Variants in INTS3 observed in about 807,000 individuals in gnomAD.
INTS3 encodes the protein SOSS complex subunit A.
A neutral mutation model predicts 146.3 loss-of-function variants in INTS3; 34 were observed. The ratio of observed to expected loss-of-function variants is 0.23; its 90% confidence interval spans 0.18 to 0.31. The LOEUF (loss-of-function observed/expected upper bound fraction) is 0.31, where lower values mean the gene tolerates loss of function less well. Ranked by LOEUF, INTS3 falls within the 10% of genes least tolerant of loss-of-function variation. INTS3 has a pLI of 1.00. For synonymous variants in INTS3, 475 were observed against 494.9 expected (o/e 0.96, Z 0.53); for missense variants, 757 against 1,304.2 (o/e 0.58, Z 6.46).
intron 1 of INTS3, among the ~76,000 whole-genome samples, chr1:153,733,932 C>T (rs990175503): frequency 1.3e-5 from 2 of 152,256 alleles, no homozygotes; most frequent in African/African-American, 4.8e-5. Context: ...ACTCTATATC[C>T]ACCTGGCTGA....
intron 1 of INTS3, among the ~76,000 whole-genome samples, chr1:153,735,621 C>T (rs1158540199): frequency 1.3e-5 from 2 of 152,158 alleles, no homozygotes; most frequent in African/African-American, 2.4e-5. Context: ...AAACCGTTAA[C>T]CTAGGCTGTG....
chr1:153,735,892 T>G (rs1436482449), intron 1 of INTS3, among the ~76,000 whole-genome samples: 1 of 152,068 alleles, frequency 6.6e-6, no homozygotes, highest in African/African-American at 2.4e-5. Context: ...CTGGCTGATT[T>G]ATTTAGTTTT....
intron 3 of INTS3, among the ~76,000 whole-genome samples, chr1:153,746,592 G>A (rs1035634729): frequency 4.6e-5 from 7 of 152,152 alleles, no homozygotes; most frequent in African/African-American, 7.2e-5. Flanking sequence ...TAGTAGAGAC[G>A]GGGTTTCACC....
Position 153,773,821 on chromosome 1 carries a change from C to G in INTS3, c.*551C>G, listed in dbSNP as rs1035039250. On this transcript the variant is annotated 3_prime_UTR_variant, in exon 30 of 30. Transcript: ENST00000318967. ...TCCATTCCTAATCATGGGGCAGATG[C>G]CACAAGCATTCAGAAAGGAGTCTGA... 1.2e-5 allele frequency: 2 copies of G among 171,844 alleles called. No homozygotes were observed. Among genetic ancestry groups the G allele is most frequent in the African/African-American group, 4.8e-5 (2 of 41,468 alleles). The allele number at this position is 171,844 out of a possible 1,614,324, so 10.6% of individuals were successfully genotyped here. A position where few individuals can be genotyped will look rare whatever the true frequency, so the allele number is the denominator to read the frequency against.
chr1:153,728,972 T>C (rs1326133126), intron 1 of INTS3, among the ~76,000 whole-genome samples, 188 bp downstream of exon 1: 3 of 152,054 alleles, frequency 2.0e-5, no homozygotes, highest in Non-Finnish European at 2.9e-5. Context: ...CCTGGACAGG[T>C]TGTCATAGTA....
At chr1:153,762,381 T>C (rs1672415115) in intron 14 of INTS3, among the ~76,000 whole-genome samples, 1 of 151,978 alleles carries the variant, frequency 6.6e-6, no homozygotes, top group Non-Finnish European at 1.5e-5. Flanking sequence ...GACGGGGAGG[T>C]TGCAGTGAGC....
intron 6 of INTS3, 189 bp from the exon 7 acceptor site, chr1:153,750,906 G>A (rs1340540194): frequency 3.2e-5 from 15 of 475,550 alleles, no homozygotes; most frequent in South Asian, 2.5e-4. Context: ...GAAGTTGTCC[G>A]TAGCTTAGCC....
chr1:153,760,969 C>T (rs781672089), intron 13 of INTS3, 51 bp downstream of exon 13: 1 of 1,579,842 alleles, frequency 6.3e-7, no homozygotes, highest in East Asian at 2.2e-5. Context: ...TTCATTAGGT[C>T]CAGGTGTATC....
At chr1:153,729,932 C>CTAAT (rs1671002749) in intron 1 of INTS3, among the ~76,000 whole-genome samples, 1 of 151,882 alleles carries the variant, frequency 6.6e-6, no homozygotes, top group African/African-American at 2.4e-5. Flanking sequence ...TTTGTAAGGC[C>CTAAT]TAATATTCAA....
chr1:153,762,086 C>G (rs1672404158), intron 14 of INTS3, among the ~76,000 whole-genome samples: 2 of 152,230 alleles, frequency 1.3e-5, no homozygotes, highest in Admixed American at 1.3e-4. Context: ...CTCCTTACCA[C>G]ACATACACAC....
At chr1:153,735,993 A>G (rs1056592358) in intron 1 of INTS3, among the ~76,000 whole-genome samples, 12 of 152,144 alleles carry the variant, frequency 7.9e-5, no homozygotes, top group African/African-American at 2.9e-4. Flanking sequence ...CGACCTCCCA[A>G]AGTACTGGGA....
chr1:153,745,967 T>C (rs1018768351), intron 3 of INTS3, among the ~76,000 whole-genome samples: 6 of 152,108 alleles, frequency 3.9e-5, no homozygotes, highest in African/African-American at 1.4e-4. Flanking sequence ...TATCTGGGCG[T>C]GGTGGTGCAT....
chr1:153,739,132 C>T (rs1298130745), intron 1 of INTS3, among the ~76,000 whole-genome samples: 9 of 152,058 alleles, frequency 5.9e-5, no homozygotes, highest in East Asian at 1.9e-4. Context: ...GGCATGATCT[C>T]GGTTCACGGC....
At chr1:153,739,553 C>T (rs897957373) in intron 1 of INTS3, among the ~76,000 whole-genome samples, 4 of 151,828 alleles carry the variant, frequency 2.6e-5, no homozygotes, top group Non-Finnish European at 4.4e-5. Flanking sequence ...AGGCTGGTCT[C>T]GAACTCCCCA....
chr1:153,770,633 C>T (rs921954852), intron 24 of INTS3, 52 bp from the exon 25 acceptor site: 106 of 1,499,396 alleles, frequency 7.1e-5, no homozygotes, highest in Non-Finnish European at 9.7e-5. Context: ...TCCCCAGATT[C>T]CATCCTGGAA....
intron 12 of INTS3, 163 bp downstream of exon 12, chr1:153,760,553 C>A (rs987322497): frequency 3.1e-6 from 2 of 644,080 alleles, no homozygotes; most frequent in African/African-American, 1.8e-5. Flanking sequence ...CTTCCATATT[C>A]CACTGTCTGC....
chr1:153,766,038 T>C (rs1222234166), intron 20 of INTS3, among the ~76,000 whole-genome samples: 1 of 152,044 alleles, frequency 6.6e-6, no homozygotes, highest in Non-Finnish European at 1.5e-5. Flanking sequence ...TTTCTGCCTC[T>C]ATAGATTATT....
In INTS3 at chr1:153,728,672, C is replaced by T. The variant is rs1670948919; in HGVS notation, c.38C>T (p.Ala13Val). 2 of 1,605,658 alleles carry T rather than the reference C, an allele frequency of 1.2e-6. No homozygotes were observed. The highest frequency in any genetic ancestry group is 1.7e-6 in the Non-Finnish European group (2 of 1,177,310). Residue 13 changes from alanine (A) to valine (V), a missense_variant, in exon 1 of 30, where the codon GCA becomes GTA. By Grantham distance (64) the Ala-to-Val change is moderately conservative. Around this residue, in one of 8 missense-constraint regions of INTS3, gnomAD observed 160 missense variants for 193.7 expected, o/e 0.83. Transcript: ENST00000318967. ...LQKGKGAAAA[A>V]AASGAAGGGG... Reference sequence around the variant, plus strand: ...AAGGGAAAAGGGGCGGCAGCAGCAGCAGCTGCTTCGGGAGCAGCGGGAGGT... The same window carrying T: ...AAGGGAAAAGGGGCGGCAGCAGCAGTAGCTGCTTCGGGAGCAGCGGGAGGT...
At chr1:153,744,038 CGTGTGTGTGTGTGT>C (rs200825280) in intron 3 of INTS3, among the ~76,000 whole-genome samples, 10 of 142,246 alleles carry the variant, frequency 7.0e-5, no homozygotes, top group African/African-American at 1.3e-4. Flanking sequence ...TGTGCATGTG[CGTGTGTGTGTGTGT>C]GTGTGTGTGT....
Sources: gnomAD v4.1 joint callset for allele counts (sites outside exome capture counted in the v4.1 genomes callset) on GRCh38, gnomAD v4.1.1 for gene constraint, gnomAD v4.1.1 regional missense constraint, MANE v1.5 for transcripts, NCBI Gene and HGNC (gene_info 2026-07-23, HGNC 2026-07-21) for gene names.